Variants in ST6GAL1 observed in about 807,000 individuals in gnomAD.
The protein encoded by ST6GAL1 is beta-galactoside alpha-2,6-sialyltransferase 1.
ST6GAL1 carries 20 observed loss-of-function variants against 38.0 expected under a neutral mutation model. That is an observed-to-expected ratio of 0.53 (90% confidence interval 0.37 to 0.77). The LOEUF (loss-of-function observed/expected upper bound fraction) is 0.77, where lower values mean the gene tolerates loss of function less well. Among genes scored for constraint, ST6GAL1 ranks in the 30% least tolerant of loss-of-function variants. ST6GAL1 has a pLI of 0.00. For missense variants in ST6GAL1, 432 were observed against 496.4 expected (o/e 0.87, Z 1.23); for synonymous variants, 196 against 188.2 (o/e 1.04, Z -0.34).
At chr3:186,991,915 G>A (rs941952538) in intron 2 of ST6GAL1, among the ~76,000 whole-genome samples, 2 of 152,086 alleles carry the variant, frequency 1.3e-5, no homozygotes, top group Admixed American at 1.3e-4. Flanking sequence ...GAGGACAGAG[G>A]GTAACCTGCC....
At chr3:186,969,515 T>C (rs1715276604) in intron 2 of ST6GAL1, among the ~76,000 whole-genome samples, 3 of 152,192 alleles carry the variant, frequency 2.0e-5, no homozygotes, top group Admixed American at 1.3e-4. Context: ...TTAAAGAAAA[T>C]TGGGTTGTTT....
In ST6GAL1 at chr3:187,010,927, T is replaced by C. The variant is rs567545890; in HGVS notation, c.-182-27815T>C. On this transcript the variant is annotated intron_variant, in intron 2 of 7. Coordinates refer to ENST00000169298, the MANE Select transcript of ST6GAL1 (RefSeq NM_173216.2). ...TTTAACTAGACCCCCCTCCCCTTTC[T>C]AAACCAAAGTATAAAAGAAAATCTA... Among the ~76,000 whole-genome samples, 43 of 152,342 alleles carry C rather than the reference T, an allele frequency of 2.8e-4. No homozygotes were observed. In the South Asian group the frequency reaches 8.7e-3, roughly 31 times the overall value.
At chr3:186,964,456 T>C (rs965705477) in intron 2 of ST6GAL1, 3 of 152,220 alleles carry the variant, frequency 2.0e-5, no homozygotes, top group African/African-American at 7.2e-5. Context: ...ATAGAATGAT[T>C]GGAAAAATTC....
Position 186,999,241 on chromosome 3 carries a change from G to C in ST6GAL1, c.-183+35315G>C, listed in dbSNP as rs375295523. ...TGGGACCATTAACACCACTCGCCTCGTAGAAGGTGTGTGTCATTCAAGGTG... is the reference window on the plus strand; with the variant it reads ...TGGGACCATTAACACCACTCGCCTCCTAGAAGGTGTGTGTCATTCAAGGTG... On this transcript the variant is annotated intron_variant, in intron 2 of 7. Coordinates refer to ENST00000169298, the MANE Select transcript of ST6GAL1 (RefSeq NM_173216.2). Among the ~76,000 whole-genome samples, 244 of 151,276 alleles carry C rather than the reference G, an allele frequency of 1.6e-3. 2 individuals carry two copies. The highest frequency in any genetic ancestry group is 5.7e-3 in the African/African-American group (231 of 40,584).
chr3:187,065,456 G>C (rs1219683421), intron 5 of ST6GAL1, among the ~76,000 whole-genome samples: 1 of 152,232 alleles, frequency 6.6e-6, no homozygotes, highest in Non-Finnish European at 1.5e-5. Flanking sequence ...CAGGCCAGCA[G>C]ACCTAGTCAG....
In ST6GAL1 at chr3:186,963,850, T is replaced by C. The variant is rs1047952780; in HGVS notation, c.-259T>C. The C allele has an allele frequency of 6.6e-6, 1 of 152,356 alleles. No individual in the cohort carries two copies. The highest frequency in any genetic ancestry group is 1.5e-5 in the Non-Finnish European group (1 of 68,162). The allele number at this position is 152,356 out of a possible 1,614,324, so 9.4% of individuals were successfully genotyped here. ...GTCCAGGGAGAAGTGGTGAATGTCA[T>C]GGAGCCCAGCTGAAATGGACTGGCC... is the stretch of plus-strand genomic sequence containing the variant. On this transcript the variant is annotated 5_prime_UTR_variant, in exon 2 of 8. It removes an upstream start codon present in the reference 5' UTR. Coordinates refer to ENST00000169298, the MANE Select transcript of ST6GAL1 (RefSeq NM_173216.2).
intron 2 of ST6GAL1, among the ~76,000 whole-genome samples, chr3:186,975,807 A>C (rs1027661764): frequency 6.6e-6 from 1 of 152,194 alleles, no homozygotes; most frequent in Non-Finnish European, 1.5e-5. Context: ...TGAGGCTGGC[A>C]CTGAAGGAGG....
chr3:187,048,718 T>A (rs1389827576), intron 4 of ST6GAL1, among the ~76,000 whole-genome samples: 2 of 152,062 alleles, frequency 1.3e-5, no homozygotes, highest in African/African-American at 2.4e-5. Flanking sequence ...ATAGAGTAGG[T>A]GCTCAATCAG....
chr3:187,043,426 AG>A (rs1221939543), intron 4 of ST6GAL1, 116 bp downstream of exon 4: 12 of 1,440,134 alleles, frequency 8.3e-6, no homozygotes, highest in South Asian at 1.4e-5. Context: ...GAGTGGGCCC[AG>A]GGCAGTGTTT....
At chr3:186,987,868 G>A (rs1285882113) in intron 2 of ST6GAL1, among the ~76,000 whole-genome samples, 1 of 152,148 alleles carries the variant, frequency 6.6e-6, no homozygotes, top group East Asian at 1.9e-4. Context: ...GCTAGAACTT[G>A]AGACACAGAG....
At chr3:187,024,246 T>A (rs1579331529) in intron 2 of ST6GAL1, among the ~76,000 whole-genome samples, 2 of 151,524 alleles carry the variant, frequency 1.3e-5, no homozygotes, top group Non-Finnish European at 2.9e-5. Context: ...GGTGCATGCC[T>A]CCACGCCTGG....
intron 5 of ST6GAL1, among the ~76,000 whole-genome samples, chr3:187,069,927 C>A (rs1321528083): frequency 6.6e-6 from 1 of 152,204 alleles, no homozygotes; most frequent in East Asian, 1.9e-4. Context: ...AGTAGACATT[C>A]CAAACTTAAT....
intron 2 of ST6GAL1, among the ~76,000 whole-genome samples, chr3:187,015,157 T>G (rs1717074953): frequency 6.6e-6 from 1 of 152,234 alleles, no homozygotes; most frequent in Admixed American, 6.5e-5. Context: ...CAGCATCCCC[T>G]GCACACTGGG....
intron 1 of ST6GAL1, among the ~76,000 whole-genome samples, chr3:186,938,997 G>A (rs551561491): frequency 8.2e-5 from 10 of 121,382 alleles, no homozygotes; most frequent in Non-Finnish European, 1.3e-4. Context: ...TCAGGAGAGA[G>A]ACAGAAAGTC....
intron 5 of ST6GAL1, among the ~76,000 whole-genome samples, chr3:187,053,052 T>C (rs1718570379): frequency 6.6e-6 from 1 of 152,266 alleles, no homozygotes; most frequent in South Asian, 2.1e-4. Context: ...TGACCAGTGA[T>C]GATGAGCATT....
In ST6GAL1 at chr3:187,007,900, G is replaced by A. The variant is rs74613135; in HGVS notation, c.-182-30842G>A. On this transcript the variant is annotated intron_variant, in intron 2 of 7. Transcript: ENST00000169298. ...GAAAAGATGATATGGGCCCAGTAGC[G>A]GAATAAATATAACAGAGAAAAGAGT... Among the ~76,000 whole-genome samples, 790 of 152,078 alleles carry A rather than the reference G, an allele frequency of 5.2e-3. 23 individuals are homozygous for A. The East Asian group carries it at 0.08, about 15-fold the overall frequency.
chr3:187,060,482 G>C (rs1175557860), intron 5 of ST6GAL1, among the ~76,000 whole-genome samples: 6 of 152,152 alleles, frequency 3.9e-5, no homozygotes, highest in Non-Finnish European at 8.8e-5. Flanking sequence ...CTTCTTTATG[G>C]CATGATCAGA....
In ST6GAL1 at chr3:187,076,897, T is replaced by TC; in HGVS notation, c.*1096dup. 2.5e-6 allele frequency: 1 copy of TC among 398,710 alleles called. No individual in the cohort carries two copies. Among genetic ancestry groups the TC allele is most frequent in the Non-Finnish European group, 4.4e-6 (1 of 226,056 alleles). 24.7% of individuals were successfully genotyped at this position (398,710 alleles called of 1,614,324 possible). On this transcript the variant is annotated 3_prime_UTR_variant, in exon 8 of 8. Coordinates refer to ENST00000169298, the MANE Select transcript of ST6GAL1 (RefSeq NM_173216.2). ...CCAGGCTCTGCCTGGCCTGACCCTG[T>TC]CCTGTCAGCTGGGTTTACATACCAG... is the stretch of plus-strand genomic sequence containing the variant.
intron 1 of ST6GAL1, among the ~76,000 whole-genome samples, chr3:186,935,787 C>T (rs1713930878): frequency 6.6e-6 from 1 of 152,030 alleles, no homozygotes; most frequent in African/African-American, 2.4e-5. Context: ...ATTAGAAGAC[C>T]TCACCTGTCA....
Sources: gnomAD v4.1 joint callset for allele counts (sites outside exome capture counted in the v4.1 genomes callset) on GRCh38, gnomAD v4.1.1 for gene constraint, MANE v1.5 for transcripts, NCBI Gene and HGNC (gene_info 2026-07-23, HGNC 2026-07-21) for gene names.